COMMD1: variants seen among roughly 807,000 people sequenced by gnomAD.
COMMD1 encodes COMM domain-containing protein 1.
In COMMD1, 10 loss-of-function variants were observed where a neutral mutation model predicts 17.2. The observed-to-expected ratio is 0.58, with a 90% CI of 0.36 to 0.99. The LOEUF (loss-of-function observed/expected upper bound fraction) is 0.99. Among genes scored for constraint, COMMD1 ranks in the 50% least tolerant of loss-of-function variants. The pLI is 0.01. For missense variants in COMMD1, 270 were observed against 231.8 expected (o/e 1.17, Z -1.07); for synonymous variants, 97 against 91.6 (o/e 1.06, Z -0.34).
intron 2 of COMMD1, among the ~76,000 whole-genome samples, chr2:62,091,706 A>G (rs1332143505): frequency 6.6e-6 from 1 of 152,200 alleles, no homozygotes; most frequent in East Asian, 1.9e-4. Context: ...TCCAGCCACA[A>G]GCACGGGGCT....
intron 1 of COMMD1, among the ~76,000 whole-genome samples, chr2:61,977,606 C>G (rs1330198947): frequency 6.6e-6 from 1 of 151,948 alleles, no homozygotes; most frequent in Non-Finnish European, 1.5e-5. Context: ...TCTATGGTTT[C>G]TTTTTTGTAG....
chr2:62,039,725 C>T (rs1669983862), intron 2 of COMMD1, among the ~76,000 whole-genome samples: 1 of 152,156 alleles, frequency 6.6e-6, no homozygotes, highest in African/African-American at 2.4e-5. Context: ...TATTTTCTAT[C>T]TTTTGGAAGT....
intron 2 of COMMD1, among the ~76,000 whole-genome samples, chr2:62,047,730 G>A (rs879610759): frequency 2.0e-5 from 3 of 152,110 alleles, no homozygotes; most frequent in African/African-American, 4.8e-5. Flanking sequence ...TGGGATTACA[G>A]GTGTGAGCCA....
intron 2 of COMMD1, among the ~76,000 whole-genome samples, chr2:62,037,426 C>T (rs552352224): frequency 3.9e-5 from 6 of 152,222 alleles, no homozygotes; most frequent in South Asian, 2.1e-4. Flanking sequence ...TCTATGTGGC[C>T]ATGATCTTTG....
chr2:61,979,991 A>T (rs1420934628), intron 1 of COMMD1, among the ~76,000 whole-genome samples: 1 of 82,576 alleles, frequency 1.2e-5, no homozygotes, highest in African/African-American at 4.9e-5. Flanking sequence ...GAGTGAGAAT[A>T]TGCGGTGTTT....
chr2:62,079,060 A>G (rs1409643193), intron 2 of COMMD1, among the ~76,000 whole-genome samples: 1 of 152,162 alleles, frequency 6.6e-6, no homozygotes, highest in Non-Finnish European at 1.5e-5. Flanking sequence ...ATCATGTCCT[A>G]AACCAGTCTT....
intron 1 of COMMD1, among the ~76,000 whole-genome samples, chr2:61,923,373 G>A (rs1363685101): frequency 6.6e-6 from 1 of 151,326 alleles, no homozygotes; most frequent in East Asian, 1.9e-4. Flanking sequence ...AGTATTGAGG[G>A]GAATATACAG....
intron 1 of COMMD1, chr2:61,968,988 C>A: frequency 2.4e-6 from 1 of 414,672 alleles, no homozygotes; most frequent in Non-Finnish European, 4.9e-6. Flanking sequence ...TGCTGTGTTG[C>A]CCAGGATAGA....
At chr2:62,118,092 CTTAGA>C (rs753597135) in intron 2 of COMMD1, 1 of 152,154 alleles carries the variant, frequency 6.6e-6, no homozygotes, top group Non-Finnish European at 1.5e-5. Flanking sequence ...TCCTCCCTAA[CTTAGA>C]TTAGAAGTAT....
chr2:61,934,777 G>A (rs1328927854), intron 1 of COMMD1, among the ~76,000 whole-genome samples: 2 of 152,086 alleles, frequency 1.3e-5, no homozygotes, highest in Non-Finnish European at 2.9e-5. Flanking sequence ...AACCCTCATT[G>A]GTTCTTTTCT....
At chr2:62,082,114 G>A (rs1461727015) in intron 2 of COMMD1, among the ~76,000 whole-genome samples, 1 of 152,086 alleles carries the variant, frequency 6.6e-6, no homozygotes, top group African/African-American at 2.4e-5. Context: ...TGGAGGGTTA[G>A]GAATTAGATA....
chr2:61,899,714 G>A (rs180915284), intron 1 of COMMD1, among the ~76,000 whole-genome samples: 47 of 152,092 alleles, frequency 3.1e-4, no homozygotes, highest in Middle Eastern at 3.4e-3. Flanking sequence ...TTGCTCTGTC[G>A]CCCAGGCTGG....
intron 1 of COMMD1, among the ~76,000 whole-genome samples, chr2:61,974,737 G>GA (rs1671747179): frequency 1.3e-5 from 2 of 149,480 alleles, no homozygotes; most frequent in East Asian, 3.9e-4. Flanking sequence ...TAGGTTTATA[G>GA]AAAAAACTGA....
chr2:61,962,936 G>A (rs1276440665), intron 1 of COMMD1, among the ~76,000 whole-genome samples: 1 of 152,154 alleles, frequency 6.6e-6, no homozygotes. Context: ...CAAGGCAGGT[G>A]GATTACTTGA....
chr2:62,104,633 C>CCAAAAAAA (rs1672275468), intron 2 of COMMD1, among the ~76,000 whole-genome samples: 1 of 76,750 alleles, frequency 1.3e-5, no homozygotes, highest in African/African-American at 5.1e-5. Context: ...GACTCCGTCT[C>CCAAAAAAA]AAAAAAAAAA....
chr2:62,016,209 T>TC (rs1669442460), intron 2 of COMMD1, among the ~76,000 whole-genome samples: 1 of 142,948 alleles, frequency 7.0e-6, no homozygotes, highest in African/African-American at 2.6e-5. Context: ...TTCTTTTCTT[T>TC]TTTTTTTTTT....
At chr2:62,047,605 C>G (rs1473331134) in intron 2 of COMMD1, among the ~76,000 whole-genome samples, 4 of 151,928 alleles carry the variant, frequency 2.6e-5, no homozygotes, top group African/African-American at 9.7e-5. Context: ...CAGCTGTGTG[C>G]CACCACACTG....
At chr2:61,941,574 G>A (rs181170281) in intron 1 of COMMD1, among the ~76,000 whole-genome samples, 336 of 152,254 alleles carry the variant, frequency 2.2e-3, no homozygotes, top group Middle Eastern at 0.01. Flanking sequence ...GCTCTACTTG[G>A]TATTTTATAG....
chr2:62,089,166 G>A (rs1435587530), intron 2 of COMMD1, among the ~76,000 whole-genome samples: 1 of 152,062 alleles, frequency 6.6e-6, no homozygotes, highest in Non-Finnish European at 1.5e-5. Flanking sequence ...CTTCAGGATT[G>A]GGAGGGCTTG....
Sources: allele counts gnomAD v4.1 joint callset (sites outside exome capture counted in the v4.1 genomes callset), GRCh38; gene constraint gnomAD v4.1.1; transcripts MANE v1.5; gene names NCBI Gene and HGNC (gene_info 2026-07-23, HGNC 2026-07-21).